Variants in DCLK2 observed in about 807,000 individuals in gnomAD.
The protein encoded by DCLK2 is serine/threonine-protein kinase DCLK2.
A neutral mutation model predicts 78.4 loss-of-function variants in DCLK2; 31 were observed. The ratio of observed to expected loss-of-function variants is 0.40; its 90% CI spans 0.30 to 0.53. DCLK2 has a LOEUF of 0.53. DCLK2 is among the 20% of genes least tolerant of loss of function. The probability of loss-of-function intolerance (pLI) is 0.61; values close to 1 mark genes in which losing one functional copy is unlikely to be tolerated. For missense variants in DCLK2, 872 were observed against 973.7 expected, an observed-to-expected ratio of 0.90 and a Z score of 1.39; for synonymous variants, 407 against 374.9, an observed-to-expected ratio of 1.09 and a Z score of -0.99.
intron 2 of DCLK2, among the ~76,000 whole-genome samples, chr4:150,184,837 A>G (rs1342670453): frequency 6.6e-6 from 1 of 151,738 alleles, no homozygotes; most frequent in African/African-American, 2.4e-5. Flanking sequence ...TCCTGACCTC[A>G]TGATCCGCCC....
intron 1 of DCLK2, among the ~76,000 whole-genome samples, chr4:150,084,453 C>G (rs1269637256): frequency 2.0e-5 from 3 of 152,130 alleles, no homozygotes; most frequent in Admixed American, 6.5e-5. Context: ...CCATAATATC[C>G]CCTTCTATAA....
chr4:150,157,909 A>G (rs913025433), intron 2 of DCLK2, among the ~76,000 whole-genome samples: 2 of 152,198 alleles, frequency 1.3e-5, no homozygotes, highest in Non-Finnish European at 2.9e-5. Flanking sequence ...GATTATAGGC[A>G]TGAGCTGCCG....
At chr4:150,086,107 A>G (rs1729618288) in intron 1 of DCLK2, among the ~76,000 whole-genome samples, 1 of 152,168 alleles carries the variant, frequency 6.6e-6, no homozygotes, top group Non-Finnish European at 1.5e-5. Context: ...GAAAATTACA[A>G]ACCCAACAGG....
chr4:150,168,791 A>G (rs1736291546), intron 2 of DCLK2, among the ~76,000 whole-genome samples: 1 of 152,200 alleles, frequency 6.6e-6, no homozygotes, highest in African/African-American at 2.4e-5. Flanking sequence ...TGCTCCAGAC[A>G]TGGCCAATCC....
At chr4:150,233,315 A>G (rs986241115) in intron 10 of DCLK2, among the ~76,000 whole-genome samples, 1 of 152,208 alleles carries the variant, frequency 6.6e-6, no homozygotes, top group Non-Finnish European at 1.5e-5. Context: ...GTCACCTCCC[A>G]TAAGGTGCCT....
chr4:150,190,053 G>GAAAAAAAAAAAAAAAAAAAAA lies in DCLK2; in HGVS notation c.757-3085_757-3084insAAAAAAAAAAAAAAAAAAAAA, dbSNP rs1378760105. On this transcript the variant is annotated intron_variant, in intron 2 of 15. Transcript: ENST00000296550. ...CTGTCTCAAAAAAAAAAAAAAAAAG[G>GAAAAAAAAAAAAAAAAAAAAA]CCAAGTGTGGTGGCTGTGGTCCCAG... 1.5e-4 allele frequency among the ~76,000 whole-genome samples: 2 copies of GAAAAAAAAAAAAAAAAAAAAA among 12,958 alleles called. 1 individual carries two copies. Among genetic ancestry groups the GAAAAAAAAAAAAAAAAAAAAA allele is most frequent in the Non-Finnish European group, 5.7e-4 (2 of 3,500 alleles). The allele number at this position is 12,958 out of a possible 152,430, so 8.5% of individuals were successfully genotyped here. A position where few individuals can be genotyped will look rare whatever the true frequency, so the allele number is the denominator to read the frequency against.
intron 4 of DCLK2, among the ~76,000 whole-genome samples, chr4:150,199,448 C>T (rs1227224217): frequency 3.9e-5 from 6 of 152,192 alleles, no homozygotes; most frequent in Non-Finnish European, 8.8e-5. Flanking sequence ...CTTCTGTGCT[C>T]ACCCCCTCCC....
intron 2 of DCLK2, among the ~76,000 whole-genome samples, chr4:150,188,110 T>A (rs1738093552): frequency 6.6e-6 from 1 of 152,210 alleles, no homozygotes; most frequent in Non-Finnish European, 1.5e-5. Context: ...CAGTTATATC[T>A]TTTATTCACT....
chr4:150,186,927 TG>T (rs1249511311), intron 2 of DCLK2, among the ~76,000 whole-genome samples: 1 of 148,240 alleles, frequency 6.7e-6, no homozygotes, highest in East Asian at 2.0e-4. Context: ...TGTGTGTGTG[TG>T]TAGTCTCATA....
At chr4:150,138,813 C>A (rs960674691) in intron 2 of DCLK2, among the ~76,000 whole-genome samples, 1 of 151,982 alleles carries the variant, frequency 6.6e-6, no homozygotes. Flanking sequence ...CTACAGGCGC[C>A]TGCCACCATG....
At chr4:150,174,683 T>C (rs1025862529) in intron 2 of DCLK2, among the ~76,000 whole-genome samples, 21 of 151,252 alleles carry the variant, frequency 1.4e-4, no homozygotes, top group Non-Finnish European at 1.2e-4. Context: ...AATAATGTTT[T>C]AAGTGAAGAC....
chr4:150,110,330 C>T lies in DCLK2; in HGVS notation c.756+7518C>T, dbSNP rs185128894. 1.7e-3 allele frequency among the ~76,000 whole-genome samples: 266 copies of T among 152,124 alleles called. 2 individuals carry two copies. The highest frequency in any genetic ancestry group is 5.8e-3 in the African/African-American group (239 of 41,478). ...AAATTTTGTTATAAAATGTATTTTT[C>T]TTGGATTATAATAATGGTTATCACA... On this transcript the variant is annotated intron_variant, in intron 2 of 15. Coordinates refer to ENST00000296550, the MANE Select transcript of DCLK2 (RefSeq NM_001040260.4).
At chr4:150,095,613 A>G (rs1730402207) in intron 1 of DCLK2, among the ~76,000 whole-genome samples, 1 of 152,156 alleles carries the variant, frequency 6.6e-6, no homozygotes, top group African/African-American at 2.4e-5. Flanking sequence ...TATGTGAATG[A>G]GTTTCTCCAG....
chr4:150,154,316 C>T (rs954100675), intron 2 of DCLK2, among the ~76,000 whole-genome samples: 15 of 152,176 alleles, frequency 9.9e-5, no homozygotes, highest in Non-Finnish European at 1.3e-4. Context: ...GAGGATTCAT[C>T]CCTTCACGTC....
In DCLK2 at chr4:150,174,662, A is replaced by G. The variant is rs998446649; in HGVS notation, c.757-18476A>G. ...TAATTTCAGAGTCCCACTTTTCTGAATAAATCACAAAATAATGTTTTAAGT... is the reference window on the plus strand; with the variant it reads ...TAATTTCAGAGTCCCACTTTTCTGAGTAAATCACAAAATAATGTTTTAAGT... On this transcript the variant is annotated intron_variant, in intron 2 of 15. Transcript: ENST00000296550. 8.6e-5 allele frequency among the ~76,000 whole-genome samples: 13 copies of G among 151,994 alleles called. No individual in the cohort carries two copies. In the East Asian group the frequency reaches 2.3e-3, roughly 27 times the overall value.
intron 2 of DCLK2, among the ~76,000 whole-genome samples, chr4:150,163,001 G>A (rs1735810331): frequency 6.6e-6 from 1 of 152,188 alleles, no homozygotes; most frequent in Non-Finnish European, 1.5e-5. Context: ...AATTGACTGT[G>A]ACTGCGCAAC....
intron 2 of DCLK2, among the ~76,000 whole-genome samples, chr4:150,143,597 A>G (rs1305518539): frequency 6.6e-6 from 1 of 152,204 alleles, no homozygotes; most frequent in Non-Finnish European, 1.5e-5. Flanking sequence ...GAATAGTAGT[A>G]TAGTTCTGTT....
intron 2 of DCLK2, among the ~76,000 whole-genome samples, chr4:150,164,073 C>T (rs1456339322): frequency 6.6e-6 from 1 of 152,226 alleles, no homozygotes; most frequent in East Asian, 1.9e-4. Flanking sequence ...ACCAGCCTAA[C>T]ACAGCCCATT....
At chr4:150,254,312 TAGAC>T (rs1744410584) in intron 15 of DCLK2, 1 of 398,282 alleles carries the variant, frequency 2.5e-6, no homozygotes. Context: ...TAATTTAAGA[TAGAC>T]AAAACTGTTT....
Sources: gnomAD v4.1 joint callset for allele counts (sites outside exome capture counted in the v4.1 genomes callset) on GRCh38, gnomAD v4.1.1 for gene constraint, MANE v1.5 for transcripts, NCBI Gene and HGNC (gene_info 2026-07-23, HGNC 2026-07-21) for gene names.